Variants in MAGI2 observed in about 807,000 individuals in gnomAD.
The protein encoded by MAGI2 is membrane associated guanylate kinase, WW and PDZ domain containing 2.
A neutral mutation model predicts 133.3 loss-of-function variants in MAGI2; 35 were observed. The ratio of observed to expected loss-of-function variants is 0.26; its 90% CI spans 0.20 to 0.35. The LOEUF (loss-of-function observed/expected upper bound fraction) is 0.35, where lower values mean the gene tolerates loss of function less well. Ranked by LOEUF, MAGI2 falls within the 10% of genes least tolerant of loss-of-function variation. MAGI2 has a pLI of 1.00. For synonymous variants in MAGI2, 729 were observed against 710.6 expected (o/e 1.03, Z -0.41); for missense variants, 1,636 against 1,863.4 (o/e 0.88, Z 2.25).
chr7:79,099,622 C>T (rs1327347622), intron 1 of MAGI2, among the ~76,000 whole-genome samples: 1 of 152,014 alleles, frequency 6.6e-6, no homozygotes, highest in Non-Finnish European at 1.5e-5. Flanking sequence ...TTCTCACCCT[C>T]CTCTCTCCCT....
In MAGI2 at chr7:78,734,079, A is replaced by G. The variant is rs528406174; in HGVS notation, c.419-106840T>C. On this transcript the variant is annotated intron_variant, in intron 2 of 21. Coordinates refer to ENST00000354212, the MANE Select transcript of MAGI2 (RefSeq NM_012301.4). ...TATCATCTAAGAACGACAATAGATGATATCATATGTTGCTTATGAATGAGA... is the reference window on the plus strand; with the variant it reads ...TATCATCTAAGAACGACAATAGATGGTATCATATGTTGCTTATGAATGAGA... 1.1e-3 allele frequency among the ~76,000 whole-genome samples: 165 copies of G among 152,366 alleles called. 1 individual carries two copies. Among genetic ancestry groups the G allele is most frequent in the Non-Finnish European group, 1.9e-3 (131 of 68,032 alleles).
At chr7:79,221,571 G>A (rs1830448345) in intron 1 of MAGI2, among the ~76,000 whole-genome samples, 1 of 151,966 alleles carries the variant, frequency 6.6e-6, no homozygotes, top group Non-Finnish European at 1.5e-5. Flanking sequence ...CACATGGAAG[G>A]AGCTGAAGGT....
At chr7:79,373,943 A>C (rs2129136418) in intron 1 of MAGI2, among the ~76,000 whole-genome samples, 1 of 152,166 alleles carries the variant, frequency 6.6e-6, no homozygotes, top group South Asian at 2.1e-4. Flanking sequence ...TCTTAATGGT[A>C]ATTTTATGCC....
intron 10 of MAGI2, among the ~76,000 whole-genome samples, chr7:78,220,381 T>A (rs1219624415): frequency 1.3e-5 from 2 of 152,092 alleles, no homozygotes. Context: ...TCACAGCACC[T>A]GGAACACACC....
chr7:78,880,980 CT>C (rs922692341), intron 2 of MAGI2, among the ~76,000 whole-genome samples: 2 of 152,008 alleles, frequency 1.3e-5, no homozygotes, highest in African/African-American at 4.8e-5. Context: ...AAAGAAGGCC[CT>C]TATATAAAGA....
chr7:78,554,915 G>A (rs1038114753), intron 3 of MAGI2, among the ~76,000 whole-genome samples: 1 of 152,054 alleles, frequency 6.6e-6, no homozygotes, highest in Non-Finnish European at 1.5e-5. Context: ...GGTGTGAGGG[G>A]TGTGAGAATG....
chr7:79,320,240 C>CA (rs1378645517), intron 1 of MAGI2, among the ~76,000 whole-genome samples: 2 of 151,982 alleles, frequency 1.3e-5, no homozygotes, highest in Non-Finnish European at 2.9e-5. Context: ...AACACACACA[C>CA]ACAAAGAATA....
intron 1 of MAGI2, among the ~76,000 whole-genome samples, chr7:79,181,181 C>T (rs1826586112): frequency 6.6e-6 from 1 of 151,944 alleles, no homozygotes; most frequent in Non-Finnish European, 1.5e-5. Flanking sequence ...GGCAGTGCCC[C>T]AGTAGAGACT....
chr7:78,282,612 G>A (rs1162121447), intron 9 of MAGI2, among the ~76,000 whole-genome samples: 1 of 152,038 alleles, frequency 6.6e-6, no homozygotes, highest in Non-Finnish European at 1.5e-5. Flanking sequence ...AAGACTTTCT[G>A]AATATGTAAT....
At chr7:78,624,512 C>T (rs527378727) in intron 3 of MAGI2, among the ~76,000 whole-genome samples, 11 of 152,124 alleles carry the variant, frequency 7.2e-5, no homozygotes, top group Middle Eastern at 6.8e-3. Flanking sequence ...TGGATGGAGT[C>T]GGAAGCCATT....
chr7:79,028,478 G>A (rs1212216942), intron 1 of MAGI2, among the ~76,000 whole-genome samples: 2 of 151,260 alleles, frequency 1.3e-5, no homozygotes, highest in East Asian at 3.9e-4. Context: ...GGAAGCCGAT[G>A]GTTAACTACT....
intron 1 of MAGI2, among the ~76,000 whole-genome samples, chr7:79,081,107 C>G (rs1003448417): frequency 6.6e-6 from 1 of 152,066 alleles, no homozygotes; most frequent in Non-Finnish European, 1.5e-5. Context: ...ACTTACATGC[C>G]CAATTTGACA....
chr7:78,299,323 C>T (rs1248934646), intron 9 of MAGI2, among the ~76,000 whole-genome samples: 1 of 152,004 alleles, frequency 6.6e-6, no homozygotes, highest in Non-Finnish European at 1.5e-5. Flanking sequence ...TGCTATTCAT[C>T]ATAGTAACAA....
At chr7:79,044,050 G>A (rs1009508235) in intron 1 of MAGI2, among the ~76,000 whole-genome samples, 2 of 152,056 alleles carry the variant, frequency 1.3e-5, no homozygotes, top group African/African-American at 4.8e-5. Flanking sequence ...AAATTGAGGA[G>A]GTGGGACTGC....
At chr7:79,019,050 C>T (rs1809023231) in intron 1 of MAGI2, among the ~76,000 whole-genome samples, 1 of 152,176 alleles carries the variant, frequency 6.6e-6, no homozygotes, top group Admixed American at 6.5e-5. Context: ...ACCTAATAGA[C>T]ATCTACAAAA....
At chr7:78,330,912 C>A (rs16885938) in intron 9 of MAGI2, among the ~76,000 whole-genome samples, 2 of 151,928 alleles carry the variant, frequency 1.3e-5, no homozygotes, top group African/African-American at 4.8e-5. Context: ...CAGAGTAGTA[C>A]GAACTGAACG....
At chr7:78,296,381 A>G (rs1177428209) in intron 9 of MAGI2, among the ~76,000 whole-genome samples, 1 of 152,172 alleles carries the variant, frequency 6.6e-6, no homozygotes, top group Non-Finnish European at 1.5e-5. Flanking sequence ...TCTGCCTAGT[A>G]TGCCCTTGCC....
chr7:78,285,708 C>T (rs1304803179), intron 9 of MAGI2: 1 of 152,122 alleles, frequency 6.6e-6, no homozygotes, highest in Non-Finnish European at 1.5e-5. Flanking sequence ...TATGAGATAC[C>T]TGGGATCTTG....
intron 1 of MAGI2, among the ~76,000 whole-genome samples, chr7:79,395,558 G>A (rs1844987273): frequency 6.6e-6 from 1 of 152,134 alleles, no homozygotes; most frequent in Non-Finnish European, 1.5e-5. Context: ...GGACTGTATA[G>A]TGACTCATAT....
Sources: allele counts gnomAD v4.1 joint callset (sites outside exome capture counted in the v4.1 genomes callset), GRCh38; gene constraint gnomAD v4.1.1; transcripts MANE v1.5; gene names NCBI Gene and HGNC (gene_info 2026-07-23, HGNC 2026-07-21).